The following FGF14 variants were observed in gnomAD, a reference collection of about 807,000 sequenced individuals.
FGF14 encodes the protein fibroblast growth factor 14.
Under a neutral mutation model 25.5 loss-of-function variants are expected in FGF14, and 5 were observed. The observed-to-expected ratio is 0.20, with a 90% CI of 0.10 to 0.41. FGF14 has a LOEUF of 0.41. FGF14 is among the 10% of genes least tolerant of loss of function. The probability of loss-of-function intolerance (pLI) is 1.00; values close to 1 mark genes in which losing one functional copy is unlikely to be tolerated. For synonymous variants in FGF14, 138 were observed against 118.3 expected (o/e 1.17, Z -1.08); for missense variants, 222 against 320.1 (o/e 0.69, Z 2.34).
At chr13:102,201,914 A>G (rs1419891670) in intron 1 of FGF14, among the ~76,000 whole-genome samples, 1 of 152,128 alleles carries the variant, frequency 6.6e-6, no homozygotes, top group East Asian at 1.9e-4. Context: ...TTGGATTATA[A>G]TCCCCAGTGT....
intron 3 of FGF14, among the ~76,000 whole-genome samples, chr13:101,821,901 ATACTT>A (rs1045276995): frequency 3.3e-5 from 5 of 152,316 alleles, no homozygotes; most frequent in East Asian, 1.9e-4. Flanking sequence ...TTTCATAAGA[ATACTT>A]TAAATATTCT....
At chr13:101,982,020 T>C (rs2139616668) in intron 1 of FGF14, among the ~76,000 whole-genome samples, 1 of 152,222 alleles carries the variant, frequency 6.6e-6, no homozygotes, top group Non-Finnish European at 1.5e-5. Context: ...TCTAGAGTAG[T>C]GATTGGGTGA....
chr13:101,909,705 C>T (rs2032683430), intron 1 of FGF14, among the ~76,000 whole-genome samples: 1 of 152,096 alleles, frequency 6.6e-6, no homozygotes, highest in African/African-American at 2.4e-5. Flanking sequence ...GGATCTAGAA[C>T]TAGAAATACC....
chr13:101,943,950 G>A (rs1175190908), intron 1 of FGF14, among the ~76,000 whole-genome samples: 22 of 144,272 alleles, frequency 1.5e-4, no homozygotes, highest in Admixed American at 5.0e-4. Flanking sequence ...GTGGTGAGCC[G>A]AGATAGCACC....
At chr13:102,165,287 C>A (rs914848067) in intron 1 of FGF14, among the ~76,000 whole-genome samples, 2 of 151,938 alleles carry the variant, frequency 1.3e-5, no homozygotes, top group African/African-American at 4.8e-5. Context: ...ACTAGAAATA[C>A]CATTTGACCC....
At chr13:101,974,147 A>C (rs2139564250) in intron 1 of FGF14, among the ~76,000 whole-genome samples, 1 of 152,352 alleles carries the variant, frequency 6.6e-6, no homozygotes, top group African/African-American at 2.4e-5. Context: ...ATCTAGAAAT[A>C]GGGAATACAG....
At chr13:101,802,012 C>A in intron 3 of FGF14, 1 of 437,874 alleles carries the variant, frequency 2.3e-6, no homozygotes, top group South Asian at 1.8e-5. Context: ...TCAAGATGTG[C>A]TCCGACAGGT....
intron 1 of FGF14, among the ~76,000 whole-genome samples, chr13:102,070,005 G>A (rs2043090030): frequency 6.6e-6 from 1 of 152,036 alleles, no homozygotes; most frequent in African/African-American, 2.4e-5. Flanking sequence ...TAAAAGCACA[G>A]GTAACCAGAA....
chr13:102,393,050 C>A (rs908466355), intron 1 of FGF14, among the ~76,000 whole-genome samples: 1 of 152,186 alleles, frequency 6.6e-6, no homozygotes, highest in Admixed American at 6.5e-5. Context: ...CAATCTTTGA[C>A]GCCCCCAAAG....
intron 1 of FGF14, among the ~76,000 whole-genome samples, chr13:102,011,775 T>C (rs1409521583): frequency 6.6e-6 from 1 of 151,994 alleles, no homozygotes; most frequent in Non-Finnish European, 1.5e-5. Flanking sequence ...GCTCTCAGAG[T>C]GTTCTCTGCA....
At chr13:101,813,074 G>T (rs2041659828) in intron 3 of FGF14, among the ~76,000 whole-genome samples, 1 of 152,166 alleles carries the variant, frequency 6.6e-6, no homozygotes, top group South Asian at 2.1e-4. Context: ...GACTGCCAAA[G>T]AGGTGAAGTT....
chr13:101,746,181 C>G (rs150826452), intron 3 of FGF14, among the ~76,000 whole-genome samples: 1 of 151,948 alleles, frequency 6.6e-6, no homozygotes, highest in East Asian at 1.9e-4. Context: ...TTATTTGGAA[C>G]CTTAATGAGT....
intron 1 of FGF14, among the ~76,000 whole-genome samples, chr13:101,980,019 T>C (rs554258832): frequency 6.6e-6 from 1 of 152,228 alleles, no homozygotes; most frequent in African/African-American, 2.4e-5. Flanking sequence ...ATACCATTTT[T>C]AAGCACTTTT....
chr13:102,099,777 A>G (rs1208447803), intron 1 of FGF14, among the ~76,000 whole-genome samples: 1 of 152,056 alleles, frequency 6.6e-6, no homozygotes, highest in East Asian at 1.9e-4. Context: ...TTTATTTAAT[A>G]AAATTCTTAA....
chr13:102,275,665 C>T (rs1003856476), intron 1 of FGF14, among the ~76,000 whole-genome samples: 2 of 145,956 alleles, frequency 1.4e-5, no homozygotes, highest in Admixed American at 7.3e-5. Flanking sequence ...AACTAGATTT[C>T]GGAACACAAA....
intron 1 of FGF14, among the ~76,000 whole-genome samples, chr13:101,995,996 A>T (rs952219216): frequency 2.0e-5 from 3 of 152,210 alleles, no homozygotes; most frequent in Admixed American, 1.3e-4. Flanking sequence ...AAAATAATGT[A>T]AAGAGTATAA....
intron 3 of FGF14, among the ~76,000 whole-genome samples, chr13:101,856,171 AGAGTTT>A (rs762073484): frequency 1.6e-4 from 24 of 151,850 alleles, no homozygotes; most frequent in Admixed American, 5.9e-4. Flanking sequence ...ATTTCAAGTT[AGAGTTT>A]ATTTCTCCAT....
chr13:101,982,561 C>T (rs2038330804), intron 1 of FGF14, among the ~76,000 whole-genome samples: 1 of 152,112 alleles, frequency 6.6e-6, no homozygotes, highest in Non-Finnish European at 1.5e-5. Flanking sequence ...GTAGGATATT[C>T]TTTATAAAAT....
rs537437198 is a variant in FGF14 at position 101,710,838 on chromosome 13, A to C, written c.*11993T>G. 6.6e-6 allele frequency: 1 copy of C among 152,302 alleles called. No homozygotes were observed. The highest frequency in any genetic ancestry group is 2.4e-5 in the African/African-American group (1 of 41,566). The allele number at this position is 152,302 out of a possible 1,614,324, so 9.4% of individuals were successfully genotyped here. ...GAAATAGCGTTTTATTTCTTTACAA[A>C]TTTATAGCCAAGACAATAAATCACT... On this transcript the variant is annotated 3_prime_UTR_variant, in exon 5 of 5. Transcript: ENST00000376143.
Sources: allele counts gnomAD v4.1 joint callset (sites outside exome capture counted in the v4.1 genomes callset), GRCh38; gene constraint gnomAD v4.1.1; transcripts MANE v1.5; gene names NCBI Gene and HGNC (gene_info 2026-07-23, HGNC 2026-07-21).